PLCB4: variants seen among roughly 807,000 people sequenced by gnomAD.
The protein encoded by PLCB4 is phospholipase C beta 4.
Under a neutral mutation model 178.8 loss-of-function variants are expected in PLCB4, and 77 were observed. That is an observed-to-expected ratio of 0.43 (90% CI 0.36 to 0.52). The LOEUF is 0.52. PLCB4 is among the 20% of genes least tolerant of loss of function. PLCB4 has a pLI of 0.00. For missense variants in PLCB4, 1,024 were observed against 1,453.4 expected, an observed-to-expected ratio of 0.70 and a Z score of 4.80; for synonymous variants, 496 against 490.8, an observed-to-expected ratio of 1.01 and a Z score of -0.14.
chr20:9,328,579 TGACTGCTGAGCAGTTACCTGAGCC>T (rs1255790369), intron 4 of PLCB4, among the ~76,000 whole-genome samples: 5 of 152,192 alleles, frequency 3.3e-5, no homozygotes, highest in African/African-American at 7.2e-5. Context: ...TCTTCAGGTA[TGACTGCTGAGCAGTTACCTGAGCC>T]GACTGCTGAG....
chr20:9,131,435 T>G lies in PLCB4; in HGVS notation c.-79+35093T>G, dbSNP rs1464360601. 2.0e-5 allele frequency among the ~76,000 whole-genome samples: 3 copies of G among 152,174 alleles called. No homozygotes were observed. The East Asian group carries it at 5.8e-4, about 29-fold the overall frequency. ...TAAGATATTATTGGATCTCTGTGAC[T>G]GGTAATAACTTTACTTGTTGAAGGA... On this transcript the variant is annotated intron_variant, in intron 2 of 39. Coordinates refer to ENST00000378473, the MANE Select transcript of PLCB4 (RefSeq NM_001377142.1).
rs753616065 is a variant in PLCB4 at position 9,387,512 on chromosome 20, A to G, written c.1114A>G (p.Ile372Val). 2.5e-6 allele frequency: 4 copies of G among 1,600,810 alleles called. No homozygotes were observed. In the African/African-American group the frequency reaches 4.0e-5, roughly 16 times the overall value. Reference protein sequence around the residue: ...WDGKGEDQEPIITHGKAMCTD... With the variant: ...WDGKGEDQEPVITHGKAMCTD... ...TGGAAAAGGTGAAGACCAAGAACCA[A>G]TAATAACTCATGGAAAAGCAATGTG... Residue 372 changes from isoleucine to valine, a missense_variant, in exon 15 of 40, where the codon ATA (isoleucine) becomes GTA (valine). This residue lies in a region of PLCB4 where 263 missense variants were observed against 417.4 expected (regional missense o/e 0.63). Coordinates refer to ENST00000378473, the MANE Select transcript of PLCB4 (RefSeq NM_001377142.1).
intron 4 of PLCB4, among the ~76,000 whole-genome samples, chr20:9,332,732 A>G (rs1030105795): frequency 6.6e-6 from 1 of 152,156 alleles, no homozygotes; most frequent in African/African-American, 2.4e-5. Context: ...CCCAGAGCCA[A>G]GTTGCTATCC....
At position 9,384,422 on chromosome 20, in the gene PLCB4, C is replaced by G. The variant is rs750130673; in HGVS notation, c.1064+11C>G. 6.3e-7 allele frequency: 1 copy of G among 1,596,142 alleles called. No individual in the cohort carries two copies. The highest frequency in any genetic ancestry group is 8.6e-7 in the Non-Finnish European group (1 of 1,163,576). On this transcript the variant is annotated intron_variant, in intron 14 of 39. Transcript: ENST00000378473. Reference sequence around the variant, plus strand: ...CCTGGCTGGTTGCAGGTGAGGAACTCAAGATGGCAATTTGTTTTTTGTGTG... The same window carrying G: ...CCTGGCTGGTTGCAGGTGAGGAACTGAAGATGGCAATTTGTTTTTTGTGTG...
chr20:9,205,290 G>A (rs1340475255), intron 2 of PLCB4, among the ~76,000 whole-genome samples: 2 of 152,096 alleles, frequency 1.3e-5, no homozygotes, highest in Admixed American at 6.5e-5. Context: ...GTAAGCATTC[G>A]GAGCACATTT....
intron 3 of PLCB4, among the ~76,000 whole-genome samples, chr20:9,284,911 C>G (rs2094523928): frequency 6.6e-6 from 1 of 151,920 alleles, no homozygotes; most frequent in South Asian, 2.1e-4. Context: ...CAAAACCCAA[C>G]TCATTATATG....
chr20:9,222,341 A>G (rs1468575730), intron 3 of PLCB4, among the ~76,000 whole-genome samples: 1 of 151,978 alleles, frequency 6.6e-6, no homozygotes, highest in East Asian at 1.9e-4. Flanking sequence ...GATCCTTCCA[A>G]CTTAGCCTTT....
At chr20:9,395,473 G>A (rs1454575565) in intron 18 of PLCB4, 50 bp from the exon 19 acceptor site, 2 of 1,266,462 alleles carry the variant, frequency 1.6e-6, no homozygotes, top group African/African-American at 1.5e-5. Context: ...CCTAGGGTTT[G>A]TATGTTACCT....
intron 26 of PLCB4, 142 bp from the exon 27 acceptor site, chr20:9,421,155 T>C: frequency 1.7e-6 from 1 of 589,630 alleles, no homozygotes. Flanking sequence ...TTTGGTTTGA[T>C]AGAAATGAAT....
intron 18 of PLCB4, among the ~76,000 whole-genome samples, 161 bp from the exon 19 acceptor site, chr20:9,395,362 G>A (rs1443423758): frequency 6.6e-6 from 1 of 152,188 alleles, no homozygotes; most frequent in Non-Finnish European, 1.5e-5. Flanking sequence ...AGGAAATGGC[G>A]AGAGAGAGAT....
intron 7 of PLCB4, among the ~76,000 whole-genome samples, chr20:9,342,303 A>T (rs1281316959): frequency 6.6e-6 from 1 of 152,214 alleles, no homozygotes; most frequent in African/African-American, 2.4e-5. Context: ...ACATAAATCA[A>T]ATTGGGCCAA....
intron 3 of PLCB4, among the ~76,000 whole-genome samples, chr20:9,254,918 G>A (rs190117530): frequency 9.9e-5 from 15 of 152,272 alleles, no homozygotes; most frequent in Non-Finnish European, 2.1e-4. Flanking sequence ...CAACTTTCTA[G>A]TATTAGAATT....
chr20:9,210,317 A>G (rs2093660153), intron 2 of PLCB4, among the ~76,000 whole-genome samples: 1 of 152,186 alleles, frequency 6.6e-6, no homozygotes, highest in African/African-American at 2.4e-5. Context: ...GGGAGGGGAA[A>G]TGAATGGCTA....
At chr20:9,274,528 A>T (rs1035885262) in intron 3 of PLCB4, among the ~76,000 whole-genome samples, 1 of 152,106 alleles carries the variant, frequency 6.6e-6, no homozygotes, top group Non-Finnish European at 1.5e-5. Flanking sequence ...GCACATGTAA[A>T]CACATGTTTG....
intron 3 of PLCB4, among the ~76,000 whole-genome samples, chr20:9,274,976 T>G (rs2147646898): frequency 6.6e-6 from 1 of 152,200 alleles, no homozygotes; most frequent in South Asian, 2.1e-4. Context: ...TCTTTCCAAT[T>G]CAGAACTCTT....
chr20:9,277,869 T>A (rs774748053), intron 3 of PLCB4, among the ~76,000 whole-genome samples: 48 of 152,140 alleles, frequency 3.2e-4, no homozygotes, highest in Middle Eastern at 3.4e-3. Flanking sequence ...AAACTGTTTT[T>A]TGCAAGTTTT....
At chr20:9,115,469 G>A (rs2091743868) in intron 2 of PLCB4, among the ~76,000 whole-genome samples, 2 of 149,706 alleles carry the variant, frequency 1.3e-5, no homozygotes, top group African/African-American at 4.9e-5. Context: ...GGGTACATGT[G>A]CACAATGTGC....
In PLCB4 at chr20:9,359,787, G is replaced by A. The variant is rs188211867; in HGVS notation, c.370-3109G>A. Among the ~76,000 whole-genome samples, 11 of 152,270 alleles carry A rather than the reference G, an allele frequency of 7.2e-5. No homozygotes were observed. In the East Asian group the frequency reaches 1.2e-3, roughly 16 times the overall value. On this transcript the variant is annotated intron_variant, in intron 7 of 39. Coordinates refer to ENST00000378473, the MANE Select transcript of PLCB4 (RefSeq NM_001377142.1). Reference sequence around the variant, plus strand: ...AGCAATTCAAGAAAGAATCCAATTCGTGGTTTATTGCTTCTGTTAGTCTGG... The same window carrying A: ...AGCAATTCAAGAAAGAATCCAATTCATGGTTTATTGCTTCTGTTAGTCTGG...
chr20:9,370,329 A>G (rs1401104496), intron 9 of PLCB4, among the ~76,000 whole-genome samples: 2 of 152,148 alleles, frequency 1.3e-5, no homozygotes, highest in South Asian at 2.1e-4. Context: ...AAAGTCCCTT[A>G]TCCTTGAGGC....
Sources: gnomAD v4.1 joint callset for allele counts (sites outside exome capture counted in the v4.1 genomes callset) on GRCh38, gnomAD v4.1.1 for gene constraint, gnomAD v4.1.1 regional missense constraint, MANE v1.5 for transcripts, NCBI Gene and HGNC (gene_info 2026-07-23, HGNC 2026-07-21) for gene names.